Variants in RABL3 observed in about 807,000 individuals in gnomAD.
RABL3 encodes the protein RAB, member of RAS oncogene family like 3, also known as rab-like protein 3.
A neutral mutation model predicts 31.8 loss-of-function variants in RABL3; 31 were observed. The ratio of observed to expected loss-of-function variants is 0.97; its 90% CI spans 0.73 to 1.31. The LOEUF (loss-of-function observed/expected upper bound fraction) is 1.31, where lower values mean the gene tolerates loss of function less well. Among genes scored for constraint, RABL3 ranks in the 40% most tolerant of loss-of-function variants. The pLI is 0.00. For synonymous variants in RABL3, 97 were observed against 99.9 expected (o/e 0.97, Z 0.18); for missense variants, 263 against 279.6 (o/e 0.94, Z 0.42).
chr3:120,729,046 T>C (rs968541333), intron 2 of RABL3, among the ~76,000 whole-genome samples: 5 of 152,124 alleles, frequency 3.3e-5, no homozygotes, highest in Admixed American at 3.3e-4. Flanking sequence ...GACTAGACTA[T>C]AGATGCCTTT....
intron 1 of RABL3, among the ~76,000 whole-genome samples, chr3:120,736,329 G>A (rs1425383140): frequency 6.6e-6 from 1 of 151,886 alleles, no homozygotes; most frequent in African/African-American, 2.4e-5. Context: ...GATCTTTGTT[G>A]TTTAAAGTCT....
At chr3:120,703,796 T>C (rs1306589012) in intron 4 of RABL3, among the ~76,000 whole-genome samples, 1 of 152,066 alleles carries the variant, frequency 6.6e-6, no homozygotes, top group Non-Finnish European at 1.5e-5. Context: ...TTGATATACA[T>C]TAAAAAATTT....
At chr3:120,740,634 T>C (rs1013976129) in intron 1 of RABL3, among the ~76,000 whole-genome samples, 1 of 152,206 alleles carries the variant, frequency 6.6e-6, no homozygotes, top group Non-Finnish European at 1.5e-5. Context: ...AAAAATAAAC[T>C]TTCGGGTTTG....
At chr3:120,738,138 C>T (rs1576350683) in intron 1 of RABL3, among the ~76,000 whole-genome samples, 1 of 152,368 alleles carries the variant, frequency 6.6e-6, no homozygotes, top group East Asian at 1.9e-4. Context: ...CCTCCTTGAG[C>T]TGCGGTGGGC....
At chr3:120,692,129 G>T (rs1708386478) in intron 6 of RABL3, among the ~76,000 whole-genome samples, 1 of 152,180 alleles carries the variant, frequency 6.6e-6, no homozygotes, top group Non-Finnish European at 1.5e-5. Context: ...GATTATTCTG[G>T]AGCGTGAGGA....
At chr3:120,702,234 G>A (rs1165316618) in intron 4 of RABL3, among the ~76,000 whole-genome samples, 1 of 152,126 alleles carries the variant, frequency 6.6e-6, no homozygotes, top group African/African-American at 2.4e-5. Context: ...TTTGGTACCA[G>A]AGACTAGTTT....
At chr3:120,734,360 A>G (rs1708927804) in intron 1 of RABL3, among the ~76,000 whole-genome samples, 1 of 152,214 alleles carries the variant, frequency 6.6e-6, no homozygotes, top group African/African-American at 2.4e-5. Flanking sequence ...TTATTGGTGT[A>G]TAAGAATGCT....
intron 2 of RABL3, among the ~76,000 whole-genome samples, chr3:120,720,310 CG>C (rs2107588418): frequency 6.6e-6 from 1 of 152,226 alleles, no homozygotes; most frequent in Admixed American, 6.5e-5. Flanking sequence ...AGCTCATCAC[CG>C]ACAATGGAGC....
intron 1 of RABL3, among the ~76,000 whole-genome samples, chr3:120,731,780 G>A (rs369284714): frequency 3.3e-5 from 5 of 152,098 alleles, no homozygotes; most frequent in East Asian, 3.9e-4. Context: ...GGCCAGGCAC[G>A]GTGGCTCACG....
chr3:120,721,523 CA>C (rs1427972259), intron 2 of RABL3, among the ~76,000 whole-genome samples: 1 of 151,838 alleles, frequency 6.6e-6, no homozygotes, highest in Non-Finnish European at 1.5e-5. Context: ...GCAGGGGTTG[CA>C]ATCCTAGTCT....
chr3:120,699,076 A>G (rs1708468256), intron 4 of RABL3, among the ~76,000 whole-genome samples: 3 of 152,236 alleles, frequency 2.0e-5, no homozygotes, highest in African/African-American at 7.2e-5. Context: ...CTATATCTAC[A>G]ATACACATTT....
intron 2 of RABL3, among the ~76,000 whole-genome samples, chr3:120,714,075 G>A (rs1371568473): frequency 6.6e-6 from 1 of 152,158 alleles, no homozygotes; most frequent in African/African-American, 2.4e-5. Flanking sequence ...CTCCCAAAGT[G>A]CTGGGATTAC....
chr3:120,687,778 A>G lies in RABL3; in HGVS notation c.*2045T>C, dbSNP rs1183316231. 2 of 150,494 alleles carry G rather than the reference A, an allele frequency of 1.3e-5. No homozygotes were observed. Among genetic ancestry groups the G allele is most frequent in the East Asian group, 1.9e-4 (1 of 5,162 alleles). The allele number at this position is 150,494 out of a possible 1,614,324, so 9.3% of individuals were successfully genotyped here. A position where few individuals can be genotyped will look rare whatever the true frequency, so the allele number is the denominator to read the frequency against. On this transcript the variant is annotated 3_prime_UTR_variant, in exon 8 of 8. Coordinates refer to ENST00000273375, the MANE Select transcript of RABL3 (RefSeq NM_173825.5). ...CAGCAATAGTTTACTTTTATTATTT[A>G]TTTATATATTTATATATTTATTTAT... is the stretch of plus-strand genomic sequence containing the variant.
chr3:120,713,157 ACCAAACCTGTTAG>A (rs1475916751), intron 2 of RABL3, among the ~76,000 whole-genome samples: 1 of 152,172 alleles, frequency 6.6e-6, no homozygotes, highest in African/African-American at 2.4e-5. Context: ...CTTGCATTGT[ACCAAACCTGTTAG>A]CCAGCACCTT....
intron 4 of RABL3, among the ~76,000 whole-genome samples, chr3:120,700,018 CAT>C (rs1301052588): frequency 6.6e-6 from 1 of 152,296 alleles, no homozygotes; most frequent in East Asian, 1.9e-4. Context: ...ATACATCTCT[CAT>C]ATAGTCTTGC....
chr3:120,694,268 C>A (rs2107575209), intron 5 of RABL3, 44 bp from the exon 6 acceptor site: 1 of 1,349,180 alleles, frequency 7.4e-7, no homozygotes, highest in Non-Finnish European at 1.1e-6. Flanking sequence ...GTTAGGAAAC[C>A]CAAGCTCGTT....
chr3:120,742,296 C>T (rs866184968), intron 1 of RABL3, among the ~76,000 whole-genome samples, 166 bp downstream of exon 1: 16 of 152,228 alleles, frequency 1.1e-4, no homozygotes, highest in Middle Eastern at 3.4e-3. Context: ...GCCGCCACCG[C>T]GTCGTCACAC....
intron 4 of RABL3, among the ~76,000 whole-genome samples, chr3:120,703,150 C>T (rs1324706018): frequency 6.6e-6 from 1 of 152,106 alleles, no homozygotes; most frequent in Non-Finnish European, 1.5e-5. Context: ...CTTAGTGTAC[C>T]AAAGACACTG....
At chr3:120,730,172 A>T (rs1027616729) in intron 2 of RABL3, among the ~76,000 whole-genome samples, 1 of 152,174 alleles carries the variant, frequency 6.6e-6, no homozygotes, top group Admixed American at 6.5e-5. Flanking sequence ...CAAAGGAGAG[A>T]GGTGTGCCAG....
Sources: allele counts gnomAD v4.1 joint callset (sites outside exome capture counted in the v4.1 genomes callset), GRCh38; gene constraint gnomAD v4.1.1; transcripts MANE v1.5; gene names NCBI Gene and HGNC (gene_info 2026-07-23, HGNC 2026-07-21).